The following MAML3 variants were observed in gnomAD, a reference collection of about 807,000 sequenced individuals.
MAML3 encodes the protein mastermind like transcriptional coactivator 3.
In MAML3, 27 loss-of-function variants were observed where a neutral mutation model predicts 101.9. The observed-to-expected ratio is 0.27, with a 90% CI of 0.20 to 0.37. MAML3 has a LOEUF of 0.37. MAML3 is among the 10% of genes least tolerant of loss of function. The probability of loss-of-function intolerance (pLI) is 1.00; values close to 1 mark genes in which losing one functional copy is unlikely to be tolerated. For synonymous variants in MAML3, 501 were observed against 555.9 expected (o/e 0.90, Z 1.39); for missense variants, 1,316 against 1,444.9 (o/e 0.91, Z 1.45).
intron 2 of MAML3, among the ~76,000 whole-genome samples, chr4:139,761,699 T>A (rs1164128504): frequency 6.6e-6 from 1 of 152,056 alleles, no homozygotes; most frequent in South Asian, 2.1e-4. Context: ...CCTAGGCTAG[T>A]GAGAAACAGG....
At position 140,071,289 on chromosome 4, in the gene MAML3, G is replaced by C. The variant is rs551667125; in HGVS notation, c.468+81571C>G. On this transcript the variant is annotated intron_variant, in intron 1 of 4. Coordinates refer to ENST00000509479, the MANE Select transcript of MAML3 (RefSeq NM_018717.5). ...TCTGAGAGAGCTGCATGGCTGCCCA[G>C]AACTTGTCCCATCCAGCTGACTCCA... 3.9e-5 allele frequency among the ~76,000 whole-genome samples: 6 copies of C among 152,248 alleles called. No individual in the cohort carries two copies. The East Asian group carries it at 5.8e-4, about 15-fold the overall frequency.
chr4:140,053,602 A>G (rs1727304730), intron 1 of MAML3, among the ~76,000 whole-genome samples: 1 of 152,172 alleles, frequency 6.6e-6, no homozygotes, highest in South Asian at 2.1e-4. Flanking sequence ...ATGCATGCAC[A>G]TATTTATTTT....
chr4:139,891,117 G>A lies in MAML3; in HGVS notation c.469-150C>T, dbSNP rs577635629. 7 of 940,234 alleles carry A rather than the reference G, an allele frequency of 7.4e-6. No individual in the cohort carries two copies. The Admixed American group carries it at 8.7e-5, about 12-fold the overall frequency. The allele number at this position is 940,234 out of a possible 1,614,324, so 58.2% of individuals were successfully genotyped here. A position where few individuals can be genotyped will look rare whatever the true frequency, so the allele number is the denominator to read the frequency against. Reference sequence around the variant, plus strand: ...ACTTATAATTTCAAAATCAGGCAACGCTGCAATTCAAATTGTATGGGAAAA... The same window carrying A: ...ACTTATAATTTCAAAATCAGGCAACACTGCAATTCAAATTGTATGGGAAAA... On this transcript the variant is annotated intron_variant, in intron 1 of 4. Transcript: ENST00000509479.
chr4:139,772,729 A>T (rs956871053), intron 2 of MAML3, among the ~76,000 whole-genome samples: 2 of 152,134 alleles, frequency 1.3e-5, no homozygotes, highest in East Asian at 1.9e-4. Context: ...AAAATGAGTC[A>T]GTCAATGTTC....
At chr4:139,838,919 T>C (rs1190714959) in intron 2 of MAML3, among the ~76,000 whole-genome samples, 1 of 152,224 alleles carries the variant, frequency 6.6e-6, no homozygotes, top group Non-Finnish European at 1.5e-5. Flanking sequence ...CTTGACATAG[T>C]GTCAGCAACA....
chr4:140,104,329 G>T (rs1178561285), intron 1 of MAML3, among the ~76,000 whole-genome samples: 1 of 68,614 alleles, frequency 1.5e-5, no homozygotes, highest in Admixed American at 2.0e-4. Flanking sequence ...AGGCTGCAGT[G>T]AGCCCTGTCT....
intron 2 of MAML3, among the ~76,000 whole-genome samples, chr4:139,755,017 C>T (rs548664731): frequency 3.3e-5 from 5 of 152,204 alleles, no homozygotes; most frequent in Admixed American, 6.5e-5. Context: ...GCCTGAGTGC[C>T]ACAAACACCA....
intron 2 of MAML3, among the ~76,000 whole-genome samples, chr4:139,732,732 T>C (rs1221742639): frequency 6.6e-6 from 1 of 152,186 alleles, no homozygotes; most frequent in Non-Finnish European, 1.5e-5. Context: ...TCAGTATTCC[T>C]ACTAGCTCAG....
At chr4:139,963,033 C>A (rs1440215454) in intron 1 of MAML3, among the ~76,000 whole-genome samples, 1 of 152,088 alleles carries the variant, frequency 6.6e-6, no homozygotes. Flanking sequence ...TTTAAACCCA[C>A]CATTTCTTTT....
chr4:139,913,773 A>T (rs1161285502), intron 1 of MAML3, among the ~76,000 whole-genome samples: 2 of 152,238 alleles, frequency 1.3e-5, no homozygotes, highest in Admixed American at 1.3e-4. Flanking sequence ...TATTGCTGAT[A>T]TGGAAGCAGT....
intron 2 of MAML3, among the ~76,000 whole-genome samples, chr4:139,768,803 T>C (rs1729915401): frequency 6.6e-6 from 1 of 152,216 alleles, no homozygotes; most frequent in Admixed American, 6.5e-5. Flanking sequence ...CGTGGCTCTC[T>C]TGGACCAACA....
chr4:139,772,012 G>C (rs1729995310), intron 2 of MAML3, among the ~76,000 whole-genome samples: 6 of 151,476 alleles, frequency 4.0e-5, no homozygotes, highest in Admixed American at 3.9e-4. Flanking sequence ...GGCCGAGGTG[G>C]GCGGATCACG....
chr4:139,804,596 C>T (rs72730235), intron 2 of MAML3, among the ~76,000 whole-genome samples: 54,881 of 151,900 alleles, frequency 0.36, 10,312 homozygotes, highest in East Asian at 0.6. Context: ...ATTCATGGAT[C>T]CCAGTAAGAC....
At chr4:139,994,992 T>A (rs1257100488) in intron 1 of MAML3, among the ~76,000 whole-genome samples, 2 of 152,214 alleles carry the variant, frequency 1.3e-5, no homozygotes, top group East Asian at 3.8e-4. Context: ...CATATCATCT[T>A]TCATCATTAT....
chr4:139,961,212 T>C (rs1423316854), intron 1 of MAML3, among the ~76,000 whole-genome samples: 1 of 152,234 alleles, frequency 6.6e-6, no homozygotes, highest in African/African-American at 2.4e-5. Context: ...TTCTCAAAGC[T>C]ACTAAAAACA....
intron 1 of MAML3, among the ~76,000 whole-genome samples, chr4:139,946,891 A>T (rs928573539): frequency 6.6e-5 from 7 of 106,656 alleles, no homozygotes; most frequent in Non-Finnish European, 1.4e-4. Context: ...AGAGTAAGCC[A>T]CACACACACA....
chr4:139,912,964 C>A (rs908441528), intron 1 of MAML3, among the ~76,000 whole-genome samples: 8 of 151,842 alleles, frequency 5.3e-5, no homozygotes, highest in Non-Finnish European at 7.3e-5. Flanking sequence ...GGGCATGAAT[C>A]TGCAGTAGGA....
chr4:139,890,216 G>A lies in MAML3; in HGVS notation c.1220C>T (p.Ala407Val). 1 of 1,613,462 alleles carries A rather than the reference G, an allele frequency of 6.2e-7. No individual in the cohort carries two copies. The highest frequency in any genetic ancestry group is 8.5e-7 in the Non-Finnish European group (1 of 1,179,892). Residue 407 changes from alanine to valine, a missense_variant, in exon 2 of 5, where the codon GCA (alanine) becomes GTA (valine). Transcript: ENST00000509479. The surrounding 1 kb of genome is among the most constrained non-coding windows in gnomAD (Gnocchi z 4.1). ...VASTPAAPNP[A>V]SSPANCAVQS... ...GACAGCACAGTTTGCTGGTGAGCTT[G>A]CAGGGTTTGGAGCTGCGGGAGTGCT...
At chr4:139,822,260 AC>A in intron 2 of MAML3, among the ~76,000 whole-genome samples, 1 of 132,066 alleles carries the variant, frequency 7.6e-6, no homozygotes, top group South Asian at 2.6e-4. Flanking sequence ...CACCACCACC[AC>A]CACCACCACC....
Sources: allele counts gnomAD v4.1 joint callset (sites outside exome capture counted in the v4.1 genomes callset), GRCh38; gene constraint gnomAD v4.1.1; non-coding constraint Gnocchi (gnomAD v3.1); transcripts MANE v1.5; gene names NCBI Gene and HGNC (gene_info 2026-07-23, HGNC 2026-07-21).